The following UBOX5 variants were observed in gnomAD, a reference collection of about 807,000 sequenced individuals.
UBOX5 encodes the protein U-box domain containing 5, also known as RING finger protein 37.
A neutral mutation model predicts 39.0 loss-of-function variants in UBOX5; 28 were observed. That is an observed-to-expected ratio of 0.72 (90% CI 0.53 to 0.98). The LOEUF (loss-of-function observed/expected upper bound fraction) is 0.98, where lower values mean the gene tolerates loss of function less well. Ranked by LOEUF, UBOX5 falls within the 50% of genes least tolerant of loss-of-function variation. UBOX5 has a pLI of 0.00. For missense variants in UBOX5, 585 were observed against 674.4 expected, an observed-to-expected ratio of 0.87 and a Z score of 1.47; for synonymous variants, 283 against 275.5, an observed-to-expected ratio of 1.03 and a Z score of -0.27.
intron 1 of UBOX5, among the ~76,000 whole-genome samples, chr20:3,155,109 G>C (rs530413057): frequency 1.3e-5 from 2 of 151,716 alleles, no homozygotes; most frequent in Admixed American, 6.6e-5. Flanking sequence ...TATAGTGATG[G>C]CCAGGATCAG....
intron 1 of UBOX5, among the ~76,000 whole-genome samples, chr20:3,125,956 G>A (rs1053248402): frequency 6.6e-6 from 1 of 152,258 alleles, no homozygotes; most frequent in Admixed American, 6.5e-5. Flanking sequence ...CCTGGCCGCT[G>A]TGCAATCTTC....
intron 1 of UBOX5, among the ~76,000 whole-genome samples, chr20:3,142,044 G>C (rs1437819202): frequency 1.4e-5 from 2 of 147,598 alleles, no homozygotes. Flanking sequence ...TTTTGCCTCA[G>C]CTACTTGGAA....
intron 1 of UBOX5, among the ~76,000 whole-genome samples, chr20:3,131,121 C>T (rs374395180): frequency 4.0e-5 from 6 of 151,644 alleles, no homozygotes; most frequent in African/African-American, 7.3e-5. Flanking sequence ...CCCAGTTACT[C>T]GGGAGGCTGA....
At chr20:3,118,260 G>T (rs1307468504) in intron 3 of UBOX5, among the ~76,000 whole-genome samples, 1 of 151,790 alleles carries the variant, frequency 6.6e-6, no homozygotes, top group African/African-American at 2.4e-5. Context: ...ATAACCTGAG[G>T]TCAGGAGTTC....
At chr20:3,112,375 G>A (rs1253483309) in intron 4 of UBOX5, among the ~76,000 whole-genome samples, 2 of 150,296 alleles carry the variant, frequency 1.3e-5, no homozygotes, top group Admixed American at 6.7e-5. Context: ...CTGACCAGAA[G>A]TCCCATTAAA....
rs1600374385 is a variant in UBOX5, at chr20:3,123,340, T to G, written c.26A>C (p.Gln9Pro). 2 of 1,614,132 alleles carry G rather than the reference T, an allele frequency of 1.2e-6. No homozygotes were observed. The highest frequency in any genetic ancestry group is 2.2e-5 in the East Asian group (1 of 44,888). MVINLCLP[Q>P]FRPRIHCNKI... ...GTTGCAGTGAATTCTTGGTCTGAAC[T>G]GTGGGAGGCAAAGATTTATTACCAT... Residue 9 changes from glutamine (Q) to proline (P), a missense_variant, in exon 2 of 5, where the codon CAG (glutamine) becomes CCG (proline). Physicochemically the swap from Gln to Pro is moderately conservative, Grantham distance 76. Coordinates refer to ENST00000217173, the MANE Select transcript of UBOX5 (RefSeq NM_014948.4).
intron 1 of UBOX5, among the ~76,000 whole-genome samples, chr20:3,142,284 A>C (rs2066523401): frequency 6.6e-6 from 1 of 152,034 alleles, no homozygotes; most frequent in Non-Finnish European, 1.5e-5. Context: ...CAACATGGTG[A>C]AACCCCATCT....
intron 3 of UBOX5, among the ~76,000 whole-genome samples, 178 bp from the exon 4 acceptor site, chr20:3,115,644 A>G (rs528171773): frequency 6.6e-6 from 1 of 152,198 alleles, no homozygotes; most frequent in Non-Finnish European, 1.5e-5. Flanking sequence ...AAGCCCTAGG[A>G]ACACCGGCAG....
chr20:3,139,160 T>C (rs762972396), intron 1 of UBOX5, among the ~76,000 whole-genome samples: 1 of 152,196 alleles, frequency 6.6e-6, no homozygotes, highest in Non-Finnish European at 1.5e-5. Flanking sequence ...TGAAAAAAGT[T>C]TGACTCATGT....
At chr20:3,120,322 G>T (rs2066324276) in intron 3 of UBOX5, among the ~76,000 whole-genome samples, 3 of 147,134 alleles carry the variant, frequency 2.0e-5, no homozygotes, top group Admixed American at 6.7e-5. Context: ...ACTCCAGCCT[G>T]GTGACAGAGC....
At chr20:3,143,097 C>CTTTTTTTTT (rs35450698) in intron 1 of UBOX5, among the ~76,000 whole-genome samples, 1 of 72,474 alleles carries the variant, frequency 1.4e-5, no homozygotes, top group Non-Finnish European at 2.5e-5. Flanking sequence ...AATCATCTGT[C>CTTTTTTTTT]TTTTTTTTTT....
intron 1 of UBOX5, among the ~76,000 whole-genome samples, chr20:3,158,706 C>T (rs1262710272): frequency 6.6e-6 from 1 of 151,874 alleles, no homozygotes; most frequent in Non-Finnish European, 1.5e-5. Flanking sequence ...GATCTCCTGA[C>T]CTCGTGATCC....
intron 1 of UBOX5, chr20:3,148,310 AAGTACCTCC>A: frequency 6.2e-7 from 1 of 1,613,716 alleles, no homozygotes; most frequent in South Asian, 1.1e-5. Flanking sequence ...TTTGCGGCCT[AAGTACCTCC>A]AGAGATCAGC....
At chr20:3,158,002 A>T (rs905537351) in intron 1 of UBOX5, among the ~76,000 whole-genome samples, 3 of 151,434 alleles carry the variant, frequency 2.0e-5, no homozygotes, top group African/African-American at 7.3e-5. Flanking sequence ...CCCACCTCTC[A>T]CCCCGGCAAC....
At chr20:3,111,821 C>T (rs2066256027) in intron 4 of UBOX5, 1 of 152,252 alleles carries the variant, frequency 6.6e-6, no homozygotes, top group Non-Finnish European at 1.5e-5. Context: ...TGTTTCTCAT[C>T]CGGCCTCAGG....
intron 1 of UBOX5, among the ~76,000 whole-genome samples, chr20:3,133,898 G>A (rs148956556): frequency 8.6e-4 from 130 of 151,904 alleles, no homozygotes; most frequent in Non-Finnish European, 1.5e-3. Context: ...GACTACAGGC[G>A]CGCACCACCA....
rs757442015 is a variant in UBOX5, at chr20:3,148,995, G to A, written c.-42+10771C>T. On this transcript the variant is annotated intron_variant, in intron 1 of 4. Transcript: ENST00000217173. Reference sequence around the variant, plus strand: ...CTCACATTCCAGTATGACACACTTCGGACTGCACCAAAGGCAGAAGGACTG... The same window carrying A: ...CTCACATTCCAGTATGACACACTTCAGACTGCACCAAAGGCAGAAGGACTG... 9.3e-6 allele frequency: 15 copies of A among 1,614,002 alleles called. No homozygotes were observed. The African/African-American group carries it at 9.3e-5, about 10-fold the overall frequency.
At chr20:3,114,338 C>T (rs948243468) in intron 4 of UBOX5, among the ~76,000 whole-genome samples, 4 of 151,854 alleles carry the variant, frequency 2.6e-5, no homozygotes, top group Non-Finnish European at 2.9e-5. Flanking sequence ...GAGGGACCAC[C>T]GAAGATAGGA....
intron 1 of UBOX5, among the ~76,000 whole-genome samples, chr20:3,157,504 C>T (rs1473852390): frequency 1.3e-5 from 2 of 152,238 alleles, no homozygotes; most frequent in Admixed American, 1.3e-4. Flanking sequence ...TCTTTTAAGA[C>T]TCTGCTATTC....
Sources: allele counts gnomAD v4.1 joint callset (sites outside exome capture counted in the v4.1 genomes callset), GRCh38; gene constraint gnomAD v4.1.1; transcripts MANE v1.5; gene names NCBI Gene and HGNC (gene_info 2026-07-23, HGNC 2026-07-21).